GABRG3: variants seen among roughly 807,000 people sequenced by gnomAD.
GABRG3 encodes the protein gamma-aminobutyric acid receptor subunit gamma-3.
GABRG3 carries 25 observed loss-of-function variants against 48.8 expected under a neutral mutation model. That is an observed-to-expected ratio of 0.51 (90% confidence interval 0.37 to 0.72). The LOEUF (loss-of-function observed/expected upper bound fraction) is 0.72, where lower values mean the gene tolerates loss of function less well. GABRG3 is among the 30% of genes least tolerant of loss of function. The probability of loss-of-function intolerance (pLI) is 0.00; values close to 1 mark genes in which losing one functional copy is unlikely to be tolerated. For missense variants in GABRG3, 394 were observed against 577.9 expected, an observed-to-expected ratio of 0.68 and a Z score of 3.26; for synonymous variants, 227 against 217.6, an observed-to-expected ratio of 1.04 and a Z score of -0.38.
chr15:27,000,116 A>T (rs1259608850), intron 2 of GABRG3, among the ~76,000 whole-genome samples: 1 of 152,174 alleles, frequency 6.6e-6, no homozygotes, highest in African/African-American at 2.4e-5. Flanking sequence ...TAGCATTTGT[A>T]TCAGCCTGGT....
chr15:27,296,432 C>CT (rs1033662059), intron 3 of GABRG3, among the ~76,000 whole-genome samples: 2 of 152,008 alleles, frequency 1.3e-5, no homozygotes, highest in African/African-American at 4.8e-5. Context: ...ACTTGAGTAA[C>CT]TTTCATTTAT....
chr15:27,473,616 T>G (rs966414236), intron 5 of GABRG3, among the ~76,000 whole-genome samples: 1 of 152,212 alleles, frequency 6.6e-6, no homozygotes, highest in Non-Finnish European at 1.5e-5. Flanking sequence ...ACTTTGTATA[T>G]TTTATTGTTA....
At chr15:27,201,313 T>C (rs900673751) in intron 3 of GABRG3, among the ~76,000 whole-genome samples, 1 of 149,136 alleles carries the variant, frequency 6.7e-6, no homozygotes, top group African/African-American at 2.5e-5. Flanking sequence ...TGGACAGAGC[T>C]CAACACCCGA....
chr15:27,353,381 G>A (rs765493931), intron 5 of GABRG3, among the ~76,000 whole-genome samples: 11 of 151,542 alleles, frequency 7.3e-5, no homozygotes, highest in African/African-American at 9.7e-5. Flanking sequence ...CTCTTACACC[G>A]GTGAAATCCT....
chr15:27,453,103 C>T (rs1291862683), intron 5 of GABRG3, among the ~76,000 whole-genome samples: 2 of 152,138 alleles, frequency 1.3e-5, no homozygotes, highest in African/African-American at 2.4e-5. Context: ...CTCCTAGAAG[C>T]AGAGATTAGA....
intron 3 of GABRG3, among the ~76,000 whole-genome samples, chr15:27,244,432 A>C (rs1890216716): frequency 6.6e-6 from 1 of 152,240 alleles, no homozygotes; most frequent in Non-Finnish European, 1.5e-5. Context: ...GGACATCTTC[A>C]GAACCACACA....
chr15:27,388,016 GGAGGAGGGAGGGAGGAAAGGA>G (rs368470330), intron 5 of GABRG3, among the ~76,000 whole-genome samples: 4 of 109,680 alleles, frequency 3.6e-5, no homozygotes, highest in African/African-American at 7.1e-5. Context: ...GGAAGGAAAG[GGAGGAGGGAGGGAGGAAAGGA>G]AGGAAGGAAG....
chr15:27,388,351 GGTAAGGAAGGAAGGAA>G (rs1208948759), intron 5 of GABRG3, among the ~76,000 whole-genome samples: 5 of 35,606 alleles, frequency 1.4e-4, no homozygotes, highest in African/African-American at 3.0e-4. Context: ...TGGGAGGGAG[GGTAAGGAAGGAAGGAA>G]GAAAGGAAGG....
chr15:27,231,009 A>ATATG lies in GABRG3; in HGVS notation c.271-95799_271-95798insATGT, dbSNP rs1491261079. Among the ~76,000 whole-genome samples the ATATG allele has an allele frequency of 3.2e-4, 46 of 143,508 alleles. No homozygotes were observed. The East Asian group carries it at 3.7e-3, about 11-fold the overall frequency. The allele number at this position is 143,508 out of a possible 152,430, so 94.1% of individuals were successfully genotyped here. A position where few individuals can be genotyped will look rare whatever the true frequency, so the allele number is the denominator to read the frequency against. ...GTTGAGCCAAGTTTAAAACAGTAAA[A>ATATG]TGTGTGTGTGTGTGTGTGTGTGTGT... On this transcript the variant is annotated intron_variant, in intron 3 of 9. Transcript: ENST00000615808.
At chr15:27,183,709 T>C (rs947826621) in intron 3 of GABRG3, among the ~76,000 whole-genome samples, 6 of 152,240 alleles carry the variant, frequency 3.9e-5, no homozygotes, top group Admixed American at 3.9e-4. Context: ...GCAAGAGGAA[T>C]TTTTCCCTCT....
intron 5 of GABRG3, among the ~76,000 whole-genome samples, chr15:27,370,996 A>G (rs1470869187): frequency 1.3e-5 from 2 of 152,212 alleles, no homozygotes; most frequent in African/African-American, 2.4e-5. Context: ...GAAAACAGAC[A>G]TGCAAACGTG....
At chr15:27,116,090 C>T (rs1595533404) in intron 3 of GABRG3, among the ~76,000 whole-genome samples, 1 of 152,188 alleles carries the variant, frequency 6.6e-6, no homozygotes, top group East Asian at 1.9e-4. Context: ...CAACCTCAAC[C>T]AACCTGCTGA....
chr15:27,454,819 C>T (rs559185516), intron 5 of GABRG3, among the ~76,000 whole-genome samples: 3 of 152,284 alleles, frequency 2.0e-5, no homozygotes, highest in East Asian at 3.9e-4. Context: ...TCAACACATA[C>T]GTACGTTGAC....
At position 27,319,379 on chromosome 15, in the gene GABRG3, A is replaced by G. The variant is rs1411386935; in HGVS notation, c.271-7430A>G. 2.0e-5 allele frequency among the ~76,000 whole-genome samples: 3 copies of G among 152,162 alleles called. No individual in the cohort carries two copies. The highest frequency in any genetic ancestry group is 4.4e-5 in the Non-Finnish European group (3 of 68,038). On this transcript the variant is annotated intron_variant, in intron 3 of 9. Coordinates refer to ENST00000615808, the MANE Select transcript of GABRG3 (RefSeq NM_033223.5). The surrounding 1 kb of genome is among the most constrained non-coding windows in gnomAD (Gnocchi z 4.4). ...CAGTGGGGCTATGTCAATTATTTGG[A>G]AAGTGGACTGACTCCTAGTAATTTG...
intron 3 of GABRG3, among the ~76,000 whole-genome samples, chr15:27,256,651 G>T (rs762372207): frequency 1.3e-5 from 2 of 152,102 alleles, no homozygotes; most frequent in African/African-American, 2.4e-5. Flanking sequence ...AACGTGGTCA[G>T]TTGTTTACAT....
intron 3 of GABRG3, among the ~76,000 whole-genome samples, chr15:27,232,924 T>C (rs2376833): frequency 0.18 from 27,898 of 152,134 alleles, 3,595 homozygotes; most frequent in East Asian, 0.41. Context: ...TACCTCCTCA[T>C]TCCCTCGGAG....
At chr15:27,055,583 C>T (rs1345912373) in intron 3 of GABRG3, among the ~76,000 whole-genome samples, 3 of 152,156 alleles carry the variant, frequency 2.0e-5, no homozygotes, top group Non-Finnish European at 4.4e-5. Flanking sequence ...GTGTTTTCAG[C>T]GTTCCCATAG....
intron 5 of GABRG3, among the ~76,000 whole-genome samples, chr15:27,399,068 C>T (rs1356705329): frequency 6.6e-6 from 1 of 152,164 alleles, no homozygotes; most frequent in African/African-American, 2.4e-5. Flanking sequence ...CAGACCTTTC[C>T]TCTCATCCAC....
Position 27,224,747 on chromosome 15 carries a change from C to T in GABRG3, c.271-102062C>T, listed in dbSNP as rs573700491. 2.7e-3 allele frequency among the ~76,000 whole-genome samples: 404 copies of T among 152,332 alleles called. 1 individual carries two copies. Among genetic ancestry groups the T allele is most frequent in the Non-Finnish European group, 4.6e-3 (315 of 68,036 alleles). ...AGATTTGATTATTTTCACATCCCTG[C>T]AATGAAACTTTCTTGCATGCTGTGC... On this transcript the variant is annotated intron_variant, in intron 3 of 9. Coordinates refer to ENST00000615808, the MANE Select transcript of GABRG3 (RefSeq NM_033223.5).
Sources: gnomAD v4.1 joint callset for allele counts (sites outside exome capture counted in the v4.1 genomes callset) on GRCh38, gnomAD v4.1.1 for gene constraint, Gnocchi (gnomAD v3.1) non-coding constraint, MANE v1.5 for transcripts, NCBI Gene and HGNC (gene_info 2026-07-23, HGNC 2026-07-21) for gene names.